Variants in ASTN2 observed in about 807,000 individuals in gnomAD.
ASTN2 encodes the protein astrotactin 2, also known as astrotactin-2.
In ASTN2, 54 loss-of-function variants were observed where a neutral mutation model predicts 139.8. That is an observed-to-expected ratio of 0.39 (90% CI 0.31 to 0.48). The LOEUF is 0.48. ASTN2 is among the 20% of genes least tolerant of loss of function. The pLI, the probability that ASTN2 is intolerant of heterozygous loss-of-function variation, is 0.95. For synonymous variants in ASTN2, 756 were observed against 719.5 expected (o/e 1.05, Z -0.81); for missense variants, 1,565 against 1,725.1 (o/e 0.91, Z 1.64).
intron 11 of ASTN2, among the ~76,000 whole-genome samples, chr9:116,825,344 T>C (rs145651707): frequency 2.6e-5 from 4 of 152,320 alleles, no homozygotes; most frequent in African/African-American, 9.6e-5. Flanking sequence ...TATCTGGCTT[T>C]AGACCTGGTA....
At chr9:116,483,009 T>G (rs1441992945) in intron 20 of ASTN2, among the ~76,000 whole-genome samples, 1 of 152,134 alleles carries the variant, frequency 6.6e-6, no homozygotes, top group Non-Finnish European at 1.5e-5. Context: ...CTAATTACCT[T>G]GGGTAATAGG....
chr9:117,116,380 C>T (rs563564337), intron 4 of ASTN2, among the ~76,000 whole-genome samples: 17 of 152,196 alleles, frequency 1.1e-4, no homozygotes, highest in African/African-American at 4.1e-4. Context: ...TCTTGTGAAC[C>T]TATGTAGATT....
chr9:116,605,485 G>A (rs1172755644), intron 19 of ASTN2, among the ~76,000 whole-genome samples: 1 of 152,182 alleles, frequency 6.6e-6, no homozygotes, highest in Non-Finnish European at 1.5e-5. Flanking sequence ...ATGCATGGGG[G>A]TGTGGTGAGA....
At chr9:116,748,282 G>T (rs1448555683) in intron 13 of ASTN2, among the ~76,000 whole-genome samples, 2 of 152,186 alleles carry the variant, frequency 1.3e-5, no homozygotes, top group East Asian at 3.9e-4. Context: ...GATCTGCAGG[G>T]CCAGAGTGAA....
chr9:117,030,897 C>T (rs971868042), intron 6 of ASTN2, among the ~76,000 whole-genome samples: 3 of 152,128 alleles, frequency 2.0e-5, no homozygotes, highest in African/African-American at 4.8e-5. Context: ...AATTTCATTA[C>T]AGATCTCATT....
intron 11 of ASTN2, among the ~76,000 whole-genome samples, chr9:116,831,973 C>T (rs1042756330): frequency 6.6e-6 from 1 of 152,088 alleles, no homozygotes; most frequent in Non-Finnish European, 1.5e-5. Flanking sequence ...TAAAGCTAAA[C>T]GTGGCCCATG....
At chr9:117,295,902 G>A (rs897912057) in intron 1 of ASTN2, among the ~76,000 whole-genome samples, 3 of 152,130 alleles carry the variant, frequency 2.0e-5, no homozygotes, top group Non-Finnish European at 4.4e-5. Context: ...GAGAGGAGGA[G>A]GAGAAGGCAT....
In ASTN2 at chr9:116,498,331, T is replaced by C. The variant is rs55724621; in HGVS notation, c.3356-10831A>G. Among the ~76,000 whole-genome samples the C allele has an allele frequency of 9.1e-3, 1,383 of 152,166 alleles. 24 individuals are homozygous for C. Among genetic ancestry groups the C allele is most frequent in the African/African-American group, 0.032 (1,329 of 41,504 alleles). On this transcript the variant is annotated intron_variant, in intron 19 of 22. Transcript: ENST00000313400. The stretch of plus-strand genomic sequence containing the variant: ...CACAGTGAGTGTCCCATGCCTGTAA[T>C]CCCAGTTCTTGGGGAAGCTAAGGCA...
intron 10 of ASTN2, among the ~76,000 whole-genome samples, chr9:116,943,232 G>A (rs530083754): frequency 6.6e-6 from 1 of 152,254 alleles, no homozygotes; most frequent in African/African-American, 2.4e-5. Flanking sequence ...GGGTGAAGGG[G>A]AATGAGTGAA....
intron 16 of ASTN2, among the ~76,000 whole-genome samples, chr9:116,674,195 A>G (rs1481626825): frequency 6.6e-6 from 1 of 152,158 alleles, no homozygotes; most frequent in Non-Finnish European, 1.5e-5. Context: ...TGCTTGAGAT[A>G]TTTTGCAGAC....
At chr9:116,486,107 G>T (rs183380444) in intron 20 of ASTN2, among the ~76,000 whole-genome samples, 1 of 152,284 alleles carries the variant, frequency 6.6e-6, no homozygotes, top group East Asian at 1.9e-4. Flanking sequence ...ACCTATAGGG[G>T]TAAAGCAACT....
intron 20 of ASTN2, among the ~76,000 whole-genome samples, chr9:116,448,347 C>T (rs1848070923): frequency 7.1e-6 from 1 of 140,858 alleles, no homozygotes; most frequent in African/African-American, 2.6e-5. Flanking sequence ...GTAGGAAAAG[C>T]ACCTAGTCCC....
chr9:116,612,284 C>A (rs1321046234), intron 19 of ASTN2: 1 of 152,144 alleles, frequency 6.6e-6, no homozygotes. Context: ...GAGACTTTAA[C>A]ACCCCACTGT....
At chr9:116,681,426 T>C (rs11534244) in intron 16 of ASTN2, among the ~76,000 whole-genome samples, 15,208 of 152,170 alleles carry the variant, frequency 0.1, 1,291 homozygotes, top group East Asian at 0.4. Context: ...GAAGAATTAA[T>C]ATCGTGAAAA....
chr9:117,267,073 A>G (rs963812015), intron 2 of ASTN2, among the ~76,000 whole-genome samples: 6 of 152,230 alleles, frequency 3.9e-5, no homozygotes, highest in African/African-American at 1.4e-4. Flanking sequence ...GATACCATGT[A>G]CCAGGATGGA....
At chr9:117,177,680 G>A (rs1456266316) in intron 3 of ASTN2, among the ~76,000 whole-genome samples, 1 of 152,158 alleles carries the variant, frequency 6.6e-6, no homozygotes, top group Admixed American at 6.5e-5. Context: ...TCACCATGGG[G>A]CATCCTTAAT....
At chr9:116,787,711 A>T (rs1403730951) in intron 13 of ASTN2, among the ~76,000 whole-genome samples, 1 of 152,156 alleles carries the variant, frequency 6.6e-6, no homozygotes, top group Non-Finnish European at 1.5e-5. Context: ...AATAGCCTTG[A>T]ATAAAGTCTT....
chr9:116,968,483 A>T (rs994068997), intron 10 of ASTN2, among the ~76,000 whole-genome samples: 2 of 152,298 alleles, frequency 1.3e-5, no homozygotes, highest in South Asian at 4.1e-4. Flanking sequence ...CCAGGTGGTT[A>T]ACAGCTGAAA....
At chr9:116,513,401 T>C (rs1313427034) in intron 19 of ASTN2, among the ~76,000 whole-genome samples, 1 of 152,214 alleles carries the variant, frequency 6.6e-6, no homozygotes, top group Non-Finnish European at 1.5e-5. Flanking sequence ...CCTTTGTGGA[T>C]AACCCAACCT....
Sources: allele counts gnomAD v4.1 joint callset (sites outside exome capture counted in the v4.1 genomes callset), GRCh38; gene constraint gnomAD v4.1.1; transcripts MANE v1.5; gene names NCBI Gene and HGNC (gene_info 2026-07-23, HGNC 2026-07-21).